The following SASH1 variants were observed in gnomAD, a reference collection of about 807,000 sequenced individuals.
The protein encoded by SASH1 is SAM and SH3 domain containing 1, also known as SAM and SH3 domain-containing protein 1.
A neutral mutation model predicts 125.2 loss-of-function variants in SASH1; 44 were observed. The ratio of observed to expected loss-of-function variants is 0.35; its 90% CI spans 0.28 to 0.45. The LOEUF is 0.45. SASH1 is among the 20% of genes least tolerant of loss of function. The pLI is 1.00. For synonymous variants in SASH1, 639 were observed against 649.1 expected, an observed-to-expected ratio of 0.98 and a Z score of 0.24; for missense variants, 1,426 against 1,614.5, an observed-to-expected ratio of 0.88 and a Z score of 2.00.
At chr6:148,310,597 C>A (rs796564471) in intron 1 of SASH1, among the ~76,000 whole-genome samples, 25 of 152,032 alleles carry the variant, frequency 1.6e-4, no homozygotes, top group African/African-American at 6.0e-4. Flanking sequence ...AGAAGGCAAC[C>A]ACACACTGAG....
At chr6:148,290,373 G>A (rs926446366) in intron 1 of SASH1, among the ~76,000 whole-genome samples, 1 of 151,504 alleles carries the variant, frequency 6.6e-6, no homozygotes, top group Non-Finnish European at 1.5e-5. Context: ...TTGGGAGGCC[G>A]AGGCGGGCAG....
At chr6:148,461,200 A>G (rs764736506) in intron 4 of SASH1, among the ~76,000 whole-genome samples, 6 of 152,134 alleles carry the variant, frequency 3.9e-5, no homozygotes, top group African/African-American at 1.2e-4. Flanking sequence ...CAGCGCTGTC[A>G]TTTACCCCTA....
rs1414056647 is a variant in SASH1, at chr6:148,506,865, G to A, written c.730-7459G>A. Among the ~76,000 whole-genome samples, 7 of 152,336 alleles carry A rather than the reference G, an allele frequency of 4.6e-5. 1 individual carries two copies. In the South Asian group the frequency reaches 1.5e-3, roughly 32 times the overall value. On this transcript the variant is annotated intron_variant, in intron 8 of 19. Transcript: ENST00000367467. The stretch of plus-strand genomic sequence containing the variant: ...GATGAAGAAAGGTCTTGTTGAGGTA[G>A]GGTAGTGGCACAGGAGCAAAACCAT...
chr6:148,215,374 T>G, the SASH1 span, among the ~76,000 whole-genome samples: 1 of 152,218 alleles, frequency 6.6e-6, no homozygotes, highest in African/African-American at 2.4e-5. Flanking sequence ...TTATGAAATT[T>G]TAAAATCTAT....
chr6:148,291,738 A>T lies in SASH1; in HGVS notation n.74+19361A>T, dbSNP rs182307304. ...TATGACTCGGGGACTTTTTTTTTAA[A>T]AAAAGAAATGCTGTTTTAAGTCAAA... On this transcript the variant is annotated intron_variant and non_coding_transcript_variant, in intron 1 of 3. Coordinates refer to the SASH1 transcript ENST00000367469. Among the ~76,000 whole-genome samples the T allele has an allele frequency of 1.5e-3, 232 of 152,292 alleles. 2 individuals are homozygous for T. The highest frequency in any genetic ancestry group is 5.1e-3 in the African/African-American group (210 of 41,550).
At chr6:148,216,106 G>T in the SASH1 span, among the ~76,000 whole-genome samples, 2 of 152,046 alleles carry the variant, frequency 1.3e-5, no homozygotes, top group African/African-American at 2.4e-5. Flanking sequence ...TGATCTGCCC[G>T]CCTCGGCCTC....
intron 1 of SASH1, among the ~76,000 whole-genome samples, chr6:148,387,608 CT>C (rs1367647665): frequency 5.5e-5 from 1 of 18,088 alleles, no homozygotes; most frequent in Non-Finnish European, 1.1e-4. Context: ...TTCTTTCTTT[CT>C]TTCTTTCTTT....
intron 7 of SASH1, among the ~76,000 whole-genome samples, chr6:148,479,200 C>T (rs887825947): frequency 6.6e-6 from 1 of 151,942 alleles, no homozygotes; most frequent in Non-Finnish European, 1.5e-5. Context: ...AGGCGCCTGC[C>T]ACCACGCCCG....
At chr6:148,308,411 T>C (rs79484495) in intron 1 of SASH1, among the ~76,000 whole-genome samples, 2 of 151,038 alleles carry the variant, frequency 1.3e-5, no homozygotes, top group Non-Finnish European at 2.9e-5. Context: ...TTTTTTTTTT[T>C]TGAGATGGAG....
intron 7 of SASH1, among the ~76,000 whole-genome samples, chr6:148,477,736 C>T (rs1045544539): frequency 9.4e-5 from 12 of 127,206 alleles, no homozygotes; most frequent in African/African-American, 2.7e-4. Flanking sequence ...CTTGCTCTGT[C>T]GCCCAGGTTG....
At chr6:148,278,039 T>G (rs1036568172) in intron 1 of SASH1, among the ~76,000 whole-genome samples, 7 of 150,544 alleles carry the variant, frequency 4.6e-5, no homozygotes, top group African/African-American at 1.7e-4. Flanking sequence ...TTTTTGTTTG[T>G]TTTTCTGTTT....
At chr6:148,535,325 C>T (rs941872255) in intron 16 of SASH1, among the ~76,000 whole-genome samples, 1 of 152,190 alleles carries the variant, frequency 6.6e-6, no homozygotes, top group Non-Finnish European at 1.5e-5. Flanking sequence ...AATGGGTAGA[C>T]TCCACTTTCA....
At chr6:148,387,026 TCTCTCTTTCTTTCTTGCTTTCTCC>T (rs1783396202) in intron 1 of SASH1, among the ~76,000 whole-genome samples, 4 of 134,768 alleles carry the variant, frequency 3.0e-5, no homozygotes, top group Admixed American at 8.3e-5. Context: ...TTGCTTTCTC[TCTCTCTTTCTTTCTTGCTTTCTCC>T]CTCTCTTTCT....
the SASH1 span, among the ~76,000 whole-genome samples, chr6:148,204,026 G>A: frequency 1.2e-4 from 18 of 152,254 alleles, no homozygotes; most frequent in Middle Eastern, 6.8e-3. Flanking sequence ...AAAAATTGCC[G>A]GGAATTTTTG....
the SASH1 span, among the ~76,000 whole-genome samples, chr6:148,258,083 C>CT: frequency 6.6e-6 from 1 of 151,956 alleles, no homozygotes; most frequent in East Asian, 1.9e-4. Context: ...GAGTACTTGG[C>CT]TTTCCCTTTT....
chr6:148,234,077 G>A, the SASH1 span, among the ~76,000 whole-genome samples: 1 of 151,800 alleles, frequency 6.6e-6, no homozygotes, highest in African/African-American at 2.4e-5. Context: ...TCACTCTGTA[G>A]CCCAGGCTGG....
chr6:148,470,028 TA>T (rs11431914), intron 5 of SASH1, among the ~76,000 whole-genome samples: 258 of 121,380 alleles, frequency 2.1e-3, no homozygotes, highest in Admixed American at 2.4e-3. Context: ...TCTGTCTCAC[TA>T]AAAAAAAAAA....
At chr6:148,540,173 CAG>C (rs1224118289) in intron 16 of SASH1, among the ~76,000 whole-genome samples, 2 of 152,162 alleles carry the variant, frequency 1.3e-5, no homozygotes, top group Non-Finnish European at 1.5e-5. Flanking sequence ...GCCCCAAGGC[CAG>C]AGTCAGCTTC....
intron 4 of SASH1, among the ~76,000 whole-genome samples, chr6:148,448,668 G>A (rs999375670): frequency 3.9e-5 from 6 of 152,172 alleles, no homozygotes; most frequent in Middle Eastern, 3.4e-3. Flanking sequence ...TCTTACCTGC[G>A]CCCATGGCTT....
Sources: allele counts gnomAD v4.1 joint callset (sites outside exome capture counted in the v4.1 genomes callset), GRCh38; gene constraint gnomAD v4.1.1; transcripts MANE v1.5; gene names NCBI Gene and HGNC (gene_info 2026-07-23, HGNC 2026-07-21).